Variants in CACNB2 observed in about 807,000 individuals in gnomAD.
CACNB2 encodes the protein voltage-dependent L-type calcium channel subunit beta-2.
A neutral mutation model predicts 73.3 loss-of-function variants in CACNB2; 42 were observed. The observed-to-expected ratio is 0.57, with a 90% confidence interval of 0.45 to 0.74. The LOEUF (loss-of-function observed/expected upper bound fraction) is 0.74, where lower values mean the gene tolerates loss of function less well. Among genes scored for constraint, CACNB2 ranks in the 30% least tolerant of loss-of-function variants. The pLI is 0.00. For synonymous variants in CACNB2, 348 were observed against 310.3 expected, an observed-to-expected ratio of 1.12 and a Z score of -1.28; for missense variants, 940 against 853.0, an observed-to-expected ratio of 1.10 and a Z score of -1.27.
At chr10:18,539,168 C>T in intron 13 of CACNB2, 62 bp from the exon 14 acceptor site, 1 of 1,608,908 alleles carries the variant, frequency 6.2e-7, no homozygotes, top group Non-Finnish European at 8.5e-7. Flanking sequence ...TGCACTTGCT[C>T]TGGGACATGT....
At chr10:18,490,637 A>G (rs1291031627) in intron 3 of CACNB2, among the ~76,000 whole-genome samples, 1 of 152,206 alleles carries the variant, frequency 6.6e-6, no homozygotes, top group Non-Finnish European at 1.5e-5. Flanking sequence ...ATTGTCTCCC[A>G]ACCAACGTAG....
intron 2 of CACNB2, among the ~76,000 whole-genome samples, chr10:18,366,184 C>T (rs1381961497): frequency 6.6e-6 from 1 of 152,006 alleles, no homozygotes; most frequent in Non-Finnish European, 1.5e-5. Context: ...ATGAAATTCT[C>T]GCTGAGGGCG....
intron 2 of CACNB2, among the ~76,000 whole-genome samples, chr10:18,244,126 C>T (rs1461812115): frequency 6.6e-6 from 1 of 152,182 alleles, no homozygotes; most frequent in African/African-American, 2.4e-5. Flanking sequence ...GATGCCAGGC[C>T]TGCTTCTCCA....
intron 2 of CACNB2, among the ~76,000 whole-genome samples, chr10:18,359,594 CTGTTT>C (rs1241303841): frequency 7.6e-6 from 1 of 131,008 alleles, no homozygotes; most frequent in African/African-American, 2.7e-5. Context: ...AAGTAACATT[CTGTTT>C]TGTTTTTTTT....
chr10:18,438,039 A>C (rs1472251045), intron 3 of CACNB2, among the ~76,000 whole-genome samples: 1 of 89,184 alleles, frequency 1.1e-5, no homozygotes, highest in Non-Finnish European at 2.0e-5. Context: ...TTTTTTTGAG[A>C]TGAAGTCTCG....
intron 1 of CACNB2, among the ~76,000 whole-genome samples, chr10:18,150,353 T>C (rs1269350029): frequency 7.9e-5 from 12 of 152,230 alleles, no homozygotes; most frequent in Non-Finnish European, 5.9e-5. Flanking sequence ...TCACTAGTTA[T>C]TAAATGCTTT....
intron 2 of CACNB2, among the ~76,000 whole-genome samples, chr10:18,175,646 G>A (rs915387277): frequency 2.0e-5 from 3 of 152,160 alleles, no homozygotes; most frequent in African/African-American, 7.2e-5. Flanking sequence ...CGCCCAGGCT[G>A]GAGAGCAATG....
At chr10:18,494,543 A>G (rs2049661006) in intron 3 of CACNB2, among the ~76,000 whole-genome samples, 1 of 151,566 alleles carries the variant, frequency 6.6e-6, no homozygotes, top group South Asian at 2.1e-4. Flanking sequence ...GAGGCAGGAG[A>G]ATGGCATGAA....
chr10:18,227,039 G>A (rs554339190), intron 2 of CACNB2, among the ~76,000 whole-genome samples: 1 of 152,282 alleles, frequency 6.6e-6, no homozygotes, highest in South Asian at 2.1e-4. Flanking sequence ...GACATTAGCA[G>A]CCCACATTAG....
intron 2 of CACNB2, among the ~76,000 whole-genome samples, chr10:18,345,095 A>G (rs2041394267): frequency 6.6e-6 from 1 of 152,346 alleles, no homozygotes; most frequent in African/African-American, 2.4e-5. Context: ...AATTGATTTT[A>G]TAATTTTGTT....
chr10:18,313,449 G>A (rs987121892), intron 2 of CACNB2, among the ~76,000 whole-genome samples: 1 of 151,228 alleles, frequency 6.6e-6, no homozygotes, highest in Non-Finnish European at 1.5e-5. Context: ...CCTGGGAAAG[G>A]CAAAATTACC....
At chr10:18,476,420 A>C (rs1268669531) in intron 3 of CACNB2, among the ~76,000 whole-genome samples, 1 of 152,190 alleles carries the variant, frequency 6.6e-6, no homozygotes, top group Non-Finnish European at 1.5e-5. Flanking sequence ...GCAGCTCAAG[A>C]GCCCGGTTAC....
intron 2 of CACNB2, among the ~76,000 whole-genome samples, chr10:18,217,987 C>T (rs1035559191): frequency 2.0e-5 from 3 of 152,096 alleles, no homozygotes; most frequent in African/African-American, 4.8e-5. Flanking sequence ...CTTGTGTCTT[C>T]GGTATAATAC....
chr10:18,289,584 G>A (rs537871611), intron 2 of CACNB2, among the ~76,000 whole-genome samples: 12 of 152,022 alleles, frequency 7.9e-5, no homozygotes, highest in African/African-American at 2.2e-4. Flanking sequence ...ATGAGCCACC[G>A]CGCCCGGCCA....
At chr10:18,159,142 G>C (rs1225408009) in intron 2 of CACNB2, among the ~76,000 whole-genome samples, 2 of 151,934 alleles carry the variant, frequency 1.3e-5, no homozygotes, top group East Asian at 3.9e-4. Flanking sequence ...TTCCAAAGTT[G>C]AACACCAAAT....
chr10:18,492,620 C>CAAAAAAAAAAAAAAAAAAAAAAAAAAA (rs371407084), intron 3 of CACNB2, among the ~76,000 whole-genome samples: 1 of 90,496 alleles, frequency 1.1e-5, no homozygotes, highest in African/African-American at 4.5e-5. Flanking sequence ...GACTCTGTCT[C>CAAAAAAAAAAAAAAAAAAAAAAAAAAA]AAAAAAAAAA....
At chr10:18,350,447 C>T (rs1046473324) in intron 2 of CACNB2, among the ~76,000 whole-genome samples, 54 of 152,188 alleles carry the variant, frequency 3.5e-4, no homozygotes, top group Non-Finnish European at 5.6e-4. Flanking sequence ...ACGCAGCCCA[C>T]ACAGCACTGC....
rs143915263 is a variant in CACNB2 at position 18,311,538 on chromosome 10, G to A, written c.214-90386G>A. On this transcript the variant is annotated intron_variant, in intron 2 of 13. Transcript: ENST00000324631. ...ACATCAACAGTCAGTTAACACATGT[G>A]TTGTGTTGTATGTACTATGTACTGT... 3.1e-3 allele frequency among the ~76,000 whole-genome samples: 476 copies of A among 152,280 alleles called. 3 individuals are homozygous for A. Among genetic ancestry groups the A allele is most frequent in the African/African-American group, 0.011 (457 of 41,568 alleles).
chr10:18,201,877 A>C (rs938648444), intron 2 of CACNB2, among the ~76,000 whole-genome samples: 1 of 152,210 alleles, frequency 6.6e-6, no homozygotes, highest in African/African-American at 2.4e-5. Flanking sequence ...AATGTCTTAT[A>C]CAATTTGAGA....
Sources: allele counts gnomAD v4.1 joint callset (sites outside exome capture counted in the v4.1 genomes callset), GRCh38; gene constraint gnomAD v4.1.1; transcripts MANE v1.5; gene names NCBI Gene and HGNC (gene_info 2026-07-23, HGNC 2026-07-21).